OLFM3: variants seen among roughly 807,000 people sequenced by gnomAD.
OLFM3 encodes the protein olfactomedin 3, also known as noelin-3.
A neutral mutation model predicts 48.6 loss-of-function variants in OLFM3; 20 were observed. That is an observed-to-expected ratio of 0.41 (90% CI 0.29 to 0.60). The LOEUF (loss-of-function observed/expected upper bound fraction) is 0.60, where lower values mean the gene tolerates loss of function less well. Among genes scored for constraint, OLFM3 ranks in the 20% least tolerant of loss-of-function variants. The probability of loss-of-function intolerance (pLI) is 0.28; values close to 1 mark genes in which losing one functional copy is unlikely to be tolerated. For synonymous variants in OLFM3, 222 were observed against 198.1 expected (o/e 1.12, Z -1.01); for missense variants, 437 against 544.3 (o/e 0.80, Z 1.96).
At chr1:101,847,136 T>C (rs1656036483) in intron 1 of OLFM3, 1 of 852,944 alleles carries the variant, frequency 1.2e-6, no homozygotes, top group African/African-American at 1.8e-5. Context: ...TCCCCCATCC[T>C]CGTGGGAAGT....
At chr1:101,826,470 G>A (rs1018889749) in intron 3 of OLFM3, among the ~76,000 whole-genome samples, 2 of 152,210 alleles carry the variant, frequency 1.3e-5, no homozygotes, top group Middle Eastern at 3.4e-3. Flanking sequence ...ACTGATTTAA[G>A]GAGCTGAAAA....
chr1:101,825,334 T>G, intron 3 of OLFM3, 89 bp from the exon 4 acceptor site: 2 of 986,236 alleles, frequency 2.0e-6, no homozygotes, highest in Non-Finnish European at 3.0e-6. Context: ...AAGGAAATTA[T>G]TAAAACAGCT....
chr1:101,920,956 A>T (rs1659076054), intron 1 of OLFM3, among the ~76,000 whole-genome samples: 1 of 151,986 alleles, frequency 6.6e-6, no homozygotes, highest in South Asian at 2.1e-4. Context: ...TATTACTTCT[A>T]CTGTTATAAG....
At chr1:101,867,577 T>C (rs1433422892) in intron 1 of OLFM3, among the ~76,000 whole-genome samples, 1 of 152,226 alleles carries the variant, frequency 6.6e-6, no homozygotes, top group Non-Finnish European at 1.5e-5. Context: ...GTGAATTTCA[T>C]GATTATTTAT....
chr1:101,819,783 G>C (rs944633700), intron 4 of OLFM3, among the ~76,000 whole-genome samples: 5 of 151,982 alleles, frequency 3.3e-5, no homozygotes, highest in Non-Finnish European at 4.4e-5. Context: ...AACTCAGAAG[G>C]ACTTCCATGT....
intron 1 of OLFM3, among the ~76,000 whole-genome samples, chr1:101,861,321 C>G (rs1311067827): frequency 6.6e-6 from 1 of 150,558 alleles, no homozygotes; most frequent in Non-Finnish European, 1.5e-5. Flanking sequence ...CCCGGCCTCC[C>G]AAAGTGCTGG....
intron 4 of OLFM3, among the ~76,000 whole-genome samples, chr1:101,823,444 A>G (rs1487332178): frequency 6.6e-6 from 1 of 151,932 alleles, no homozygotes; most frequent in Non-Finnish European, 1.5e-5. Flanking sequence ...GTGTTTCAGG[A>G]GCAGGAACAA....
intron 2 of OLFM3, among the ~76,000 whole-genome samples, chr1:101,833,327 A>G (rs1655254396): frequency 6.6e-6 from 1 of 152,202 alleles, no homozygotes; most frequent in South Asian, 2.1e-4. Flanking sequence ...AGAGCTGTCT[A>G]ATTGGCCAGG....
At chr1:101,943,084 G>A (rs143368759) in intron 1 of OLFM3, among the ~76,000 whole-genome samples, 1 of 152,168 alleles carries the variant, frequency 6.6e-6, no homozygotes, top group Non-Finnish European at 1.5e-5. Flanking sequence ...AACTTGGCTA[G>A]GGTATAGCCT....
intron 1 of OLFM3, among the ~76,000 whole-genome samples, chr1:101,838,435 T>A (rs956041441): frequency 2.0e-5 from 3 of 152,194 alleles, no homozygotes; most frequent in Non-Finnish European, 4.4e-5. Context: ...AGCATTATTA[T>A]TTTTTATGAA....
At chr1:101,959,956 A>AT (rs1172314653) in intron 1 of OLFM3, among the ~76,000 whole-genome samples, 1 of 152,202 alleles carries the variant, frequency 6.6e-6, no homozygotes, top group African/African-American at 2.4e-5. Flanking sequence ...GCCTCATCAT[A>AT]TAACACGAAT....
rs1653656633 is a variant in OLFM3 at position 101,804,397 on chromosome 1, T to C, written c.1218A>G (p.Thr406=). The C allele has an allele frequency of 1.2e-6, 2 of 1,612,568 alleles. No homozygotes were observed. Among genetic ancestry groups the C allele is most frequent in the Non-Finnish European group, 1.7e-6 (2 of 1,179,000 alleles). Residue 406 remains threonine (T), a synonymous_variant, in exon 6 of 6, where the codon ACA becomes ACG. Transcript: ENST00000370103. The surrounding 1 kb of genome is among the most constrained non-coding windows in gnomAD (Gnocchi z 4.5). Reference sequence around the variant, plus strand: ...GGAAGGGAATGTCTGTGTACTCATATGTGGAGGTTTTGGTGGAATAGGAAT... The same window carrying C: ...GGAAGGGAATGTCTGTGTACTCATACGTGGAGGTTTTGGTGGAATAGGAAT... The part of the protein sequence containing the change: ...VYYSYSTKTS[T]YEYTDIPFHN...
In OLFM3 at chr1:101,828,054, C is replaced by G. The variant is rs12063182; in HGVS notation, c.372+2618G>C. 3.4e-3 allele frequency among the ~76,000 whole-genome samples: 387 copies of G among 113,704 alleles called. 3 individuals are homozygous for G. Among genetic ancestry groups the G allele is most frequent in the African/African-American group, 0.012 (361 of 30,508 alleles). 74.6% of individuals were successfully genotyped at this position (113,704 alleles called of 152,430 possible). A position where few individuals can be genotyped will look rare whatever the true frequency, so the allele number is the denominator to read the frequency against. On this transcript the variant is annotated intron_variant, in intron 3 of 5. Coordinates refer to ENST00000370103, the MANE Select transcript of OLFM3 (RefSeq NM_058170.4). ...TCTCTGTCTGTCTGTCTGTCTGTCT[C>G]TCTCTCTCTCTGTCTCTCTCTCTCT...
chr1:101,969,518 G>A (rs1417085989), intron 1 of OLFM3, among the ~76,000 whole-genome samples: 1 of 152,028 alleles, frequency 6.6e-6, no homozygotes, highest in Non-Finnish European at 1.5e-5. Flanking sequence ...ACTCAATAAA[G>A]ATTTAAAGAA....
intron 1 of OLFM3, among the ~76,000 whole-genome samples, chr1:101,944,282 C>T (rs1422289030): frequency 6.6e-6 from 1 of 152,116 alleles, no homozygotes; most frequent in Non-Finnish European, 1.5e-5. Context: ...CCAGAACATA[C>T]ACTAAAATTT....
At chr1:101,825,482 C>G (rs951653445) in intron 3 of OLFM3, among the ~76,000 whole-genome samples, 2 of 152,080 alleles carry the variant, frequency 1.3e-5, no homozygotes, top group African/African-American at 4.8e-5. Flanking sequence ...TTTTCTATAA[C>G]AAATATATCC....
chr1:101,918,944 T>C (rs1473370777), intron 1 of OLFM3, among the ~76,000 whole-genome samples: 1 of 152,074 alleles, frequency 6.6e-6, no homozygotes, highest in Non-Finnish European at 1.5e-5. Context: ...GCAAGAAAAA[T>C]TTCCCATTTC....
At chr1:101,870,938 A>G (rs975639205) in intron 1 of OLFM3, among the ~76,000 whole-genome samples, 2 of 151,216 alleles carry the variant, frequency 1.3e-5, no homozygotes, top group Admixed American at 6.6e-5. Flanking sequence ...TGACTTTATA[A>G]CTCTTTTTTT....
intron 1 of OLFM3, among the ~76,000 whole-genome samples, chr1:101,867,746 A>G (rs1656911658): frequency 6.6e-6 from 1 of 152,212 alleles, no homozygotes; most frequent in Non-Finnish European, 1.5e-5. Flanking sequence ...ACAGGAACAA[A>G]TAATAGTTTT....
Sources: gnomAD v4.1 joint callset for allele counts (sites outside exome capture counted in the v4.1 genomes callset) on GRCh38, gnomAD v4.1.1 for gene constraint, Gnocchi (gnomAD v3.1) non-coding constraint, MANE v1.5 for transcripts, NCBI Gene and HGNC (gene_info 2026-07-23, HGNC 2026-07-21) for gene names.